Variants in COL7A1 observed in about 807,000 individuals in gnomAD.
The protein encoded by COL7A1 is collagen alpha-1(VII) chain.
Under a neutral mutation model 456.2 loss-of-function variants are expected in COL7A1, and 296 were observed. The ratio of observed to expected loss-of-function variants is 0.65; its 90% CI spans 0.59 to 0.71. The LOEUF is 0.71. Among genes scored for constraint, COL7A1 ranks in the 30% least tolerant of loss-of-function variants. The pLI, the probability that COL7A1 is intolerant of heterozygous loss-of-function variation, is 0.00. For missense variants in COL7A1, 3,441 were observed against 4,017.2 expected, an observed-to-expected ratio of 0.86 and a Z score of 3.88; for synonymous variants, 1,464 against 1,525.9, an observed-to-expected ratio of 0.96 and a Z score of 0.95.
In COL7A1 at chr3:48,569,375, C is replaced by G. The variant is rs2043771421; in HGVS notation, c.7686G>C (p.Lys2562Asn). 1 of 1,614,162 alleles carries G rather than the reference C, an allele frequency of 6.2e-7. No individual in the cohort carries two copies. Among genetic ancestry groups the G allele is most frequent in the Non-Finnish European group, 8.5e-7 (1 of 1,180,000 alleles). ...PRGDNGDPGD[K>N]GSKGEPGDKG... The stretch of plus-strand genomic sequence containing the variant: ...GAGTACACCACCCTCTTCCCTGTAC[C>G]TTGTCACCAGGGTCCCCATTGTCTC... The change falls in exon 103 of 119, where the codon AAG becomes AAC. Residue 2562 changes from lysine to asparagine, a missense_variant and splice_region_variant. Coordinates refer to ENST00000681320, the MANE Select transcript of COL7A1 (RefSeq NM_000094.4). This position sits in a 1 kb window ranked among gnomAD's most constrained non-coding sequence, Gnocchi z 4.9.
In COL7A1 at chr3:48,584,911, G is replaced by A. The variant is rs766577110; in HGVS notation, c.4010C>T (p.Pro1337Leu). 20 of 1,613,834 alleles carry A rather than the reference G, an allele frequency of 1.2e-5. No homozygotes were observed. The highest frequency in any genetic ancestry group is 1.6e-4 in the Middle Eastern group (1 of 6,082). ...SPGLPGPRGDPGERGPRGPKG... is the reference protein window; with the variant it reads ...SPGLPGPRGDLGERGPRGPKG... ...AGCAAAGAAGGGAAGGCACCTTACC[G>A]GGTCCCCACGAGGGCCAGGCAACCC... Residue 1337 changes from proline (P) to leucine (L), a missense_variant and splice_region_variant, in exon 34 of 119, where the codon CCG (proline) becomes CTG (leucine). Coordinates refer to ENST00000681320, the MANE Select transcript of COL7A1 (RefSeq NM_000094.4).
intron 18 of COL7A1, 91 bp downstream of exon 18, chr3:48,589,235 CA>C: frequency 6.3e-7 from 1 of 1,582,036 alleles, no homozygotes; most frequent in African/African-American, 1.3e-5. Context: ...AGTCACTGAG[CA>C]GGGGGGTGGA....
chr3:48,577,748 C>T (rs891990593), intron 65 of COL7A1, among the ~76,000 whole-genome samples: 4 of 152,240 alleles, frequency 2.6e-5, no homozygotes, highest in Non-Finnish European at 5.9e-5. Flanking sequence ...GTCGACCTGT[C>T]TGTGGCTCTT....
In COL7A1 at chr3:48,569,494, C is replaced by A; in HGVS notation, c.7615-48G>T. On this transcript the variant is annotated intron_variant, in intron 102 of 118. Transcript: ENST00000681320. This position sits in a 1 kb window ranked among gnomAD's most constrained non-coding sequence, Gnocchi z 4.9. ...TCACGGTAAGGGGCTGAAGGTCCCT[C>A]ACCCTCTGGGAGTTTGAGCTCTCAG... 1.2e-6 allele frequency: 2 copies of A among 1,612,584 alleles called. No homozygotes were observed. Among genetic ancestry groups the A allele is most frequent in the Non-Finnish European group, 1.7e-6 (2 of 1,178,564 alleles).
Position 48,566,080 on chromosome 3 carries a change from T to G in COL7A1, c.8407+187A>C, listed in dbSNP as rs1361383194. On this transcript the variant is annotated intron_variant, in intron 114 of 118. Coordinates refer to ENST00000681320, the MANE Select transcript of COL7A1 (RefSeq NM_000094.4). The surrounding 1 kb of genome is among the most constrained non-coding windows in gnomAD (Gnocchi z 5.9). ...TGAGAGCACTGCATGGCAATCCTCA[T>G]CTGCCTGTGTGTCTCCCTCCACTGG... Among the ~76,000 whole-genome samples, 1 of 152,184 alleles carries G rather than the reference T, an allele frequency of 6.6e-6. No homozygotes were observed. The highest frequency in any genetic ancestry group is 6.5e-5 in the Admixed American group (1 of 15,286).
At position 48,567,676 on chromosome 3, in the gene COL7A1, G is replaced by A. The variant is rs374778393; in HGVS notation, c.7983+34C>T. The A allele has an allele frequency of 6.9e-5, 111 of 1,612,778 alleles. No individual in the cohort carries two copies. The highest frequency in any genetic ancestry group is 2.6e-4 in the South Asian group (24 of 91,054). ...ACATGAACTTGGCCCCCGTCCACCC[G>A]TGGCCCCCTCATTCTGAGCGTGCCC... On this transcript the variant is annotated intron_variant, in intron 108 of 118. Coordinates refer to ENST00000681320, the MANE Select transcript of COL7A1 (RefSeq NM_000094.4). This position sits in a 1 kb window ranked among gnomAD's most constrained non-coding sequence, Gnocchi z 4.3.
chr3:48,588,051 T>A lies in COL7A1; in HGVS notation c.2711-112A>T. 7.2e-7 allele frequency: 1 copy of A among 1,394,030 alleles called. No individual in the cohort carries two copies. Among genetic ancestry groups the A allele is most frequent in the South Asian group, 1.3e-5 (1 of 76,482 alleles). 86.4% of individuals were successfully genotyped at this position (1,394,030 alleles called of 1,614,324 possible). On this transcript the variant is annotated intron_variant, in intron 21 of 118. Transcript: ENST00000681320. The surrounding 1 kb of genome is among the most constrained non-coding windows in gnomAD (Gnocchi z 4.6). Reference sequence around the variant, plus strand: ...TGTTAACTGGGTTCACCCTCCTGACTGATCTTCCTCATCCTCACTGACCCT... The same window carrying A: ...TGTTAACTGGGTTCACCCTCCTGACAGATCTTCCTCATCCTCACTGACCCT...
Position 48,594,523 on chromosome 3 carries a change from A to G in COL7A1, c.111T>C (p.Ala37=). The G allele has an allele frequency of 6.2e-7, 1 of 1,609,302 alleles. No individual in the cohort carries two copies. The highest frequency in any genetic ancestry group is 1.1e-5 in the South Asian group (1 of 90,692). The change falls in exon 3 of 119, where the codon GCT becomes GCC. Residue 37 remains alanine (A), a synonymous_variant. Coordinates refer to ENST00000681320, the MANE Select transcript of COL7A1 (RefSeq NM_000094.4). This position sits in a 1 kb window ranked among gnomAD's most constrained non-coding sequence, Gnocchi z 5.5. ...ERVTCTRLYA[A]DIVFLLDGSS... ...AGCCATCCAGTAAGAACACAATGTC[A>G]GCGGCGTAAAGGCGCGTGCAGGTCA...
At position 48,564,799 on chromosome 3, in the gene COL7A1, G is replaced by A. The variant is rs2043529079; in HGVS notation, c.8802C>T (p.Val2934=). Residue 2934 remains valine (V), a synonymous_variant, in exon 118 of 119, where the codon GTC becomes GTT. Coordinates refer to ENST00000681320, the MANE Select transcript of COL7A1 (RefSeq NM_000094.4). This position sits in a 1 kb window ranked among gnomAD's most constrained non-coding sequence, Gnocchi z 6.0. ...ACERRCPPRV[V]QSQGTGTAQD is the part of the protein sequence containing the mutation. ...AGCCCATACCTGTCCCCTGGCTCTG[G>A]ACCACCCGGGGTGGGCAGCGGCGCT... 1.9e-6 allele frequency: 3 copies of A among 1,613,716 alleles called. No individual in the cohort carries two copies. The highest frequency in any genetic ancestry group is 1.3e-5 in the African/African-American group (1 of 74,912).
In COL7A1 at chr3:48,564,983, G is replaced by A. The variant is rs367975034; in HGVS notation, c.8621-3C>T. Reference sequence around the variant, plus strand: ...ATCCAGTGGCAGGGAACAGGGGTCTGGGCCAATGGGGTCAAGTCAGCAGGG... The same window carrying A: ...ATCCAGTGGCAGGGAACAGGGGTCTAGGCCAATGGGGTCAAGTCAGCAGGG... On this transcript the variant is annotated splice_polypyrimidine_tract_variant and splice_region_variant and intron_variant, in intron 117 of 118. Coordinates refer to ENST00000681320, the MANE Select transcript of COL7A1 (RefSeq NM_000094.4). This position sits in a 1 kb window ranked among gnomAD's most constrained non-coding sequence, Gnocchi z 6.0. 1.9e-6 allele frequency: 3 copies of A among 1,614,190 alleles called. No homozygotes were observed. Among genetic ancestry groups the A allele is most frequent in the Non-Finnish European group, 1.7e-6 (2 of 1,180,018 alleles).
rs763779811 is a variant in COL7A1 at position 48,592,180 on chromosome 3, C to T, written c.1162G>A (p.Gly388Ser). The change falls in exon 10 of 119, where the codon GGC (glycine) becomes AGC (serine). Residue 388 changes from glycine (G) to serine (S), a missense_variant. Around this residue, in one of 3 missense-constraint regions of COL7A1, gnomAD observed 913 missense variants for 1,088.2 expected, o/e 0.84. Transcript: ENST00000681320. The surrounding 1 kb of genome is among the most constrained non-coding windows in gnomAD (Gnocchi z 7.6). ...CTCACGGTCACCTCATAGTCCGTGC[C>T]AGGCTCCAAGTCACGCAGCAACACT... is the stretch of plus-strand genomic sequence containing the variant. ...GSVLLRDLEP[G>S]TDYEVTVSTL... 1.2e-6 allele frequency: 2 copies of T among 1,614,126 alleles called. No homozygotes were observed. The highest frequency in any genetic ancestry group is 1.1e-5 in the South Asian group (1 of 91,086).
chr3:48,564,169 C>A lies in COL7A1; in HGVS notation c.*237G>T. 1 of 614,804 alleles carries A rather than the reference C, an allele frequency of 1.6e-6. No homozygotes were observed. Among genetic ancestry groups the A allele is most frequent in the Non-Finnish European group, 3.0e-6 (1 of 336,520 alleles). 38.1% of individuals were successfully genotyped at this position (614,804 alleles called of 1,614,324 possible). A position where few individuals can be genotyped will look rare whatever the true frequency, so the allele number is the denominator to read the frequency against. Reference sequence around the variant, plus strand: ...GGGTCAGACGCCAGTCACATCCGCTCACTGCCCACAGCCACCCCCCCACAG... The same window carrying A: ...GGGTCAGACGCCAGTCACATCCGCTAACTGCCCACAGCCACCCCCCCACAG... On this transcript the variant is annotated 3_prime_UTR_variant, in exon 119 of 119. Coordinates refer to ENST00000681320, the MANE Select transcript of COL7A1 (RefSeq NM_000094.4). This position sits in a 1 kb window ranked among gnomAD's most constrained non-coding sequence, Gnocchi z 6.0.
In COL7A1 at chr3:48,577,633, G is replaced by A. The variant is rs530033360; in HGVS notation, c.5533-606C>T. ...CATGTCTCAACACAGGTCCACATGCGGTCTTGGGTCCATGTCTTAGCACAT... is the reference window on the plus strand; with the variant it reads ...CATGTCTCAACACAGGTCCACATGCAGTCTTGGGTCCATGTCTTAGCACAT... On this transcript the variant is annotated intron_variant, in intron 65 of 118. Coordinates refer to ENST00000681320, the MANE Select transcript of COL7A1 (RefSeq NM_000094.4). Among the ~76,000 whole-genome samples, 26 of 152,302 alleles carry A rather than the reference G, an allele frequency of 1.7e-4. No homozygotes were observed. The South Asian group carries it at 2.3e-3, about 13-fold the overall frequency.
At position 48,572,542 on chromosome 3, in the gene COL7A1, T is replaced by C. The variant is rs1180155465; in HGVS notation, c.6901-4A>G. 3 of 1,613,286 alleles carry C rather than the reference T, an allele frequency of 1.9e-6. No individual in the cohort carries two copies. The highest frequency in any genetic ancestry group is 2.5e-6 in the Non-Finnish European group (3 of 1,179,708). On this transcript the variant is annotated splice_region_variant and splice_polypyrimidine_tract_variant and intron_variant, in intron 88 of 118. Transcript: ENST00000681320. This position sits in a 1 kb window ranked among gnomAD's most constrained non-coding sequence, Gnocchi z 4.6. ...CTCCAGGGAGCCCGACCACAGCCTGTGGGGAATGCTAGTGAGTTTCCTCCT... is the reference window on the plus strand; with the variant it reads ...CTCCAGGGAGCCCGACCACAGCCTGCGGGGAATGCTAGTGAGTTTCCTCCT...
In COL7A1 at chr3:48,571,283, G is replaced by GA. The variant is rs2043901873; in HGVS notation, c.7069-6dup. 1 of 1,614,034 alleles carries GA rather than the reference G, an allele frequency of 6.2e-7. No individual in the cohort carries two copies. The highest frequency in any genetic ancestry group is 8.5e-7 in the Non-Finnish European group (1 of 1,180,048). On this transcript the variant is annotated splice_polypyrimidine_tract_variant and splice_region_variant and intron_variant, in intron 92 of 118. Transcript: ENST00000681320. This position sits in a 1 kb window ranked among gnomAD's most constrained non-coding sequence, Gnocchi z 4.6. ...TCCTGGAGCCCCTTTCTGACCCTAA[G>GA]AAAACCCAGCAAACAGCATTTGAGA...
chr3:48,592,035 G>C lies in COL7A1; in HGVS notation c.1241-21C>G. On this transcript the variant is annotated intron_variant, in intron 10 of 118. Coordinates refer to ENST00000681320, the MANE Select transcript of COL7A1 (RefSeq NM_000094.4). The surrounding 1 kb of genome is among the most constrained non-coding windows in gnomAD (Gnocchi z 7.6). The stretch of plus-strand genomic sequence containing the variant: ...AGCGTCTGCCCAGGGCACATGGGAT[G>C]TCAGTGGCCTCCGGGCCTTGCCCTG... 1.2e-6 allele frequency: 2 copies of C among 1,614,144 alleles called. No homozygotes were observed. Among genetic ancestry groups the C allele is most frequent in the Non-Finnish European group, 8.5e-7 (1 of 1,179,990 alleles).
Position 48,586,571 on chromosome 3 carries a change from T to C in COL7A1, c.3395A>G (p.Asn1132Ser), listed in dbSNP as rs768362979. ...RDMPYMDPSG[N>S]NLGTAVVTAH... Reference sequence around the variant, plus strand: ...CCTGCTGCAGTCCTCACCCAGGTTGTTCCCACTTGGGTCCATGTAGGGCAT... The same window carrying C: ...CCTGCTGCAGTCCTCACCCAGGTTGCTCCCACTTGGGTCCATGTAGGGCAT... Residue 1132 changes from asparagine (N) to serine (S), a missense_variant, in exon 26 of 119, where the codon AAC becomes AGC. Asn to Ser is a conservative substitution (Grantham distance 46). Coordinates refer to ENST00000681320, the MANE Select transcript of COL7A1 (RefSeq NM_000094.4). The surrounding 1 kb of genome is among the most constrained non-coding windows in gnomAD (Gnocchi z 5.1). 2 of 1,613,626 alleles carry C rather than the reference T, an allele frequency of 1.2e-6. No individual in the cohort carries two copies. The highest frequency in any genetic ancestry group is 1.1e-5 in the South Asian group (1 of 91,076).
Position 48,575,276 on chromosome 3 carries a change from ATGGGGGGTCCCACCC to A in COL7A1, c.6180+48_6181-35del. 1 of 1,613,698 alleles carries A rather than the reference ATGGGGGGTCCCACCC, an allele frequency of 6.2e-7. No homozygotes were observed. The highest frequency in any genetic ancestry group is 8.5e-7 in the Non-Finnish European group (1 of 1,179,882). ...CAAATAGCGGGTGAGGGCCAAGCCCATGGGGGGTCCCACCCCTCCCAACCCCTCTTCCCTCACTCT... is the reference window on the plus strand; with the variant it reads ...CAAATAGCGGGTGAGGGCCAAGCCCACTCCCAACCCCTCTTCCCTCACTCT... On this transcript the variant is annotated intron_variant, in intron 74 of 118. Transcript: ENST00000681320. This position sits in a 1 kb window ranked among gnomAD's most constrained non-coding sequence, Gnocchi z 6.3.
At position 48,588,286 on chromosome 3, in the gene COL7A1, AG is replaced by A; in HGVS notation, c.2705del (p.Pro902LeufsTer31). 6.2e-7 allele frequency: 1 copy of A among 1,612,848 alleles called. No homozygotes were observed. The highest frequency in any genetic ancestry group is 8.5e-7 in the Non-Finnish European group (1 of 1,179,938). ...RAQGFLLHWQPEGGQEQSRVL... is the reference protein window; with the variant it reads ...RAQGFLLHWQXEGGQEQSRVL... ...CCTCCTGGGGACACCTCTCACCCTCAGGTTGCCAGTGCAGAAGGAAGCCCTG... is the reference window on the plus strand; with the variant it reads ...CCTCCTGGGGACACCTCTCACCCTCAGTTGCCAGTGCAGAAGGAAGCCCTG... On this transcript the variant is annotated frameshift_variant, in exon 21 of 119. Transcript: ENST00000681320. LOFTEE classifies it high-confidence loss of function. This position sits in a 1 kb window ranked among gnomAD's most constrained non-coding sequence, Gnocchi z 4.6.
Sources: allele counts gnomAD v4.1 joint callset (sites outside exome capture counted in the v4.1 genomes callset), GRCh38; gene constraint gnomAD v4.1.1; regional missense constraint gnomAD v4.1.1; non-coding constraint Gnocchi (gnomAD v3.1); transcripts MANE v1.5; gene names NCBI Gene and HGNC (gene_info 2026-07-23, HGNC 2026-07-21).